SHANK2: variants seen among roughly 807,000 people sequenced by gnomAD.
SHANK2 encodes the protein SH3 and multiple ankyrin repeat domains protein 2.
In SHANK2, 43 loss-of-function variants were observed where a neutral mutation model predicts 133.7. That is an observed-to-expected ratio of 0.32 (90% CI 0.25 to 0.41). SHANK2 has a LOEUF of 0.41. Among genes scored for constraint, SHANK2 ranks in the 10% least tolerant of loss-of-function variants. The pLI is 1.00. For synonymous variants in SHANK2, 1,017 were observed against 952.8 expected (o/e 1.07, Z -1.24); for missense variants, 1,994 against 2,235.8 (o/e 0.89, Z 2.18).
chr11:70,666,166 T>C (rs1944674623), intron 15 of SHANK2, among the ~76,000 whole-genome samples: 1 of 152,118 alleles, frequency 6.6e-6, no homozygotes, highest in South Asian at 2.1e-4. Context: ...ACCCAGAAGG[T>C]AGACTCAGTG....
At chr11:71,206,283 TC>T (rs1156501372) in intron 2 of SHANK2, among the ~76,000 whole-genome samples, 32 of 152,322 alleles carry the variant, frequency 2.1e-4, no homozygotes, top group African/African-American at 7.7e-4. Flanking sequence ...ATCAACAGCA[TC>T]CGCACACCCG....
intron 15 of SHANK2, among the ~76,000 whole-genome samples, chr11:70,690,373 GA>G (rs201229345): frequency 3.3e-5 from 5 of 150,592 alleles, no homozygotes; most frequent in East Asian, 1.9e-4. Context: ...TGATAGAGTG[GA>G]AAAAAAACTC....
intron 11 of SHANK2, among the ~76,000 whole-genome samples, chr11:70,829,279 G>A (rs1948691805): frequency 1.3e-5 from 2 of 152,160 alleles, no homozygotes; most frequent in African/African-American, 4.8e-5. Flanking sequence ...CTCTGGACGG[G>A]AGCCACGCAG....
intron 14 of SHANK2, among the ~76,000 whole-genome samples, chr11:70,750,612 G>A (rs1330150573): frequency 6.6e-6 from 1 of 152,218 alleles, no homozygotes; most frequent in Non-Finnish European, 1.5e-5. Context: ...ATGTCAGGGA[G>A]ACTGTAGTGA....
chr11:70,818,242 GCA>G (rs782613423), intron 12 of SHANK2, among the ~76,000 whole-genome samples: 1 of 152,064 alleles, frequency 6.6e-6, no homozygotes, highest in Non-Finnish European at 1.5e-5. Context: ...ACACCAGCAT[GCA>G]CACAGGCAAA....
intron 10 of SHANK2, among the ~76,000 whole-genome samples, chr11:71,055,828 C>T (rs946920958): frequency 6.1e-5 from 9 of 146,890 alleles, no homozygotes; most frequent in African/African-American, 1.8e-4. Flanking sequence ...TACAGGGTTT[C>T]CTTTTGGGAA....
intron 10 of SHANK2, among the ~76,000 whole-genome samples, chr11:70,905,089 T>C (rs1470381303): frequency 6.6e-6 from 1 of 151,900 alleles, no homozygotes; most frequent in South Asian, 2.1e-4. Context: ...AGTGGGGTGG[T>C]GCCAGGAGCA....
intron 14 of SHANK2, among the ~76,000 whole-genome samples, chr11:70,737,013 G>A (rs1946420226): frequency 6.6e-6 from 1 of 152,104 alleles, no homozygotes; most frequent in Non-Finnish European, 1.5e-5. Context: ...GTGTTCCCAG[G>A]GGCCTGGGGA....
At chr11:70,844,219 A>G (rs1174254255) in intron 11 of SHANK2, among the ~76,000 whole-genome samples, 6 of 152,196 alleles carry the variant, frequency 3.9e-5, no homozygotes, top group African/African-American at 1.4e-4. Flanking sequence ...CAACTCATTA[A>G]TACTCTGCTT....
At position 70,949,743 on chromosome 11, in the gene SHANK2, G is replaced by A. The variant is rs943552990; in HGVS notation, c.1108-53176C>T. Reference sequence around the variant, plus strand: ...ATGCTGCAGGCCTCCCTGGGCCCCCGTGGCCTGGGCCAGCCTCTCTGGGCT... The same window carrying A: ...ATGCTGCAGGCCTCCCTGGGCCCCCATGGCCTGGGCCAGCCTCTCTGGGCT... On this transcript the variant is annotated intron_variant, in intron 10 of 25. Coordinates refer to ENST00000601538, the MANE Select transcript of SHANK2 (RefSeq NM_012309.5). Among the ~76,000 whole-genome samples, 6 of 152,216 alleles carry A rather than the reference G, an allele frequency of 3.9e-5. No homozygotes were observed. The East Asian group carries it at 9.6e-4, about 24-fold the overall frequency.
At chr11:70,814,358 A>C (rs1948344857) in intron 12 of SHANK2, among the ~76,000 whole-genome samples, 1 of 149,400 alleles carries the variant, frequency 6.7e-6, no homozygotes, top group South Asian at 2.1e-4. Flanking sequence ...GGCCACCGGG[A>C]GAGCTCCCAA....
chr11:70,706,293 G>A (rs1212030153), intron 14 of SHANK2, among the ~76,000 whole-genome samples: 2 of 152,186 alleles, frequency 1.3e-5, no homozygotes, highest in African/African-American at 2.4e-5. Flanking sequence ...ACAGCCTGGT[G>A]CATAGCGGGC....
intron 17 of SHANK2, among the ~76,000 whole-genome samples, chr11:70,555,619 C>G (rs975231655): frequency 2.0e-5 from 3 of 152,126 alleles, no homozygotes; most frequent in Non-Finnish European, 4.4e-5. Context: ...CGCAGCTACT[C>G]CAGAGGCTGA....
chr11:70,722,785 G>T (rs1555029541), intron 14 of SHANK2, among the ~76,000 whole-genome samples: 1 of 152,164 alleles, frequency 6.6e-6, no homozygotes, highest in Non-Finnish European at 1.5e-5. Context: ...GGCTGCTGGT[G>T]ACTTAACCTG....
intron 11 of SHANK2, among the ~76,000 whole-genome samples, chr11:70,822,115 A>G (rs782446883): frequency 6.6e-6 from 1 of 152,226 alleles, no homozygotes; most frequent in Non-Finnish European, 1.5e-5. Context: ...TCCGCAGGAA[A>G]CAGCAGAAAC....
At chr11:70,824,572 G>A (rs994993081) in intron 11 of SHANK2, among the ~76,000 whole-genome samples, 9 of 152,120 alleles carry the variant, frequency 5.9e-5, no homozygotes, top group South Asian at 2.1e-4. Flanking sequence ...AGAGCCCCTC[G>A]AGGGGCTTGG....
intron 3 of SHANK2, among the ~76,000 whole-genome samples, chr11:71,133,222 G>GTAGGTGGGTAGC (rs1952355692): frequency 7.2e-6 from 1 of 139,208 alleles, no homozygotes; most frequent in South Asian, 2.3e-4. Context: ...GGGTGGCTGG[G>GTAGGTGGGTAGC]TGGATGCACA....
intron 14 of SHANK2, among the ~76,000 whole-genome samples, chr11:70,745,554 C>A (rs901616468): frequency 6.6e-6 from 1 of 152,220 alleles, no homozygotes; most frequent in Non-Finnish European, 1.5e-5. Context: ...TGGTGACTAC[C>A]CTTGGAGTGT....
chr11:70,845,372 C>T (rs1465416135), intron 11 of SHANK2, among the ~76,000 whole-genome samples: 1 of 152,138 alleles, frequency 6.6e-6, no homozygotes, highest in Non-Finnish European at 1.5e-5. Flanking sequence ...AAGGACTCAT[C>T]AGAACAGAAT....
Sources: gnomAD v4.1 joint callset for allele counts (sites outside exome capture counted in the v4.1 genomes callset) on GRCh38, gnomAD v4.1.1 for gene constraint, MANE v1.5 for transcripts, NCBI Gene and HGNC (gene_info 2026-07-23, HGNC 2026-07-21) for gene names.